Variants in SEC14L3 observed in about 807,000 individuals in gnomAD.
SEC14L3 encodes SEC14 like lipid binding 3, also known as SEC14-like protein 3.
SEC14L3 carries 56 observed loss-of-function variants against 57.4 expected under a neutral mutation model. The ratio of observed to expected loss-of-function variants is 0.97; its 90% CI spans 0.79 to 1.22. The LOEUF (loss-of-function observed/expected upper bound fraction) is 1.22. Among genes scored for constraint, SEC14L3 ranks in the 50% most tolerant of loss-of-function variants. The probability of loss-of-function intolerance (pLI) is 0.00; values close to 1 mark genes in which losing one functional copy is unlikely to be tolerated. For missense variants in SEC14L3, 485 were observed against 511.7 expected (o/e 0.95, Z 0.50); for synonymous variants, 173 against 194.4 (o/e 0.89, Z 0.92).
At position 30,460,850 on chromosome 22, in the gene SEC14L3, A is replaced by G. The variant is rs934056657; in HGVS notation, c.1081+460T>C. ...TCTCAAAAAAAAAAAAAAAAAAAAA[A>G]AGAGAAAAAACAGGCATTGTAACTC... On this transcript the variant is annotated intron_variant, in intron 11 of 11. Transcript: ENST00000215812. Among the ~76,000 whole-genome samples the G allele has an allele frequency of 2.8e-3, 358 of 129,478 alleles. 5 individuals are homozygous for G. The highest frequency in any genetic ancestry group is 9.9e-3 in the African/African-American group (331 of 33,442). 84.9% of individuals were successfully genotyped at this position (129,478 alleles called of 152,430 possible).
downstream of SEC14L3, among the ~76,000 whole-genome samples, chr22:30,454,835 A>AATAATATATAATATATTATATTATTAT (rs1935067860): frequency 9.6e-5 from 1 of 10,394 alleles, no homozygotes; most frequent in Non-Finnish European, 1.2e-4. Flanking sequence ...TATAATATAT[A>AATAATATATAATATATTATATTATTAT]ATAATATATA....
chr22:30,450,584 T>C (rs1934962423), intron 12 of SEC14L3, among the ~76,000 whole-genome samples: 1 of 152,214 alleles, frequency 6.6e-6, no homozygotes. Context: ...ATTACAGGCA[T>C]GAGCTCCCGT....
chr22:30,464,820 T>A lies in SEC14L3; in HGVS notation c.664A>T (p.Asn222Tyr), dbSNP rs746607922. ...AGGAAATTGAGCTGGCACTACTTACTTCCCAACACAATAATTTTCCTGCGA... is the reference window on the plus strand; with the variant it reads ...AGGAAATTGAGCTGGCACTACTTACATCCCAACACAATAATTTTCCTGCGA... ...DTRRKIIVLG[N>Y]NWKEGLLKLI... Residue 222 changes from asparagine to tyrosine, a missense_variant and splice_region_variant, in exon 8 of 12, where the codon AAT becomes TAT. Transcript: ENST00000215812. 1.9e-6 allele frequency: 3 copies of A among 1,614,042 alleles called. No homozygotes were observed. Among genetic ancestry groups the A allele is most frequent in the Middle Eastern group, 1.6e-4 (1 of 6,062 alleles).
chr22:30,453,628 G>T (rs935485544), intron 12 of SEC14L3, among the ~76,000 whole-genome samples: 1 of 152,168 alleles, frequency 6.6e-6, no homozygotes, highest in Non-Finnish European at 1.5e-5. Context: ...GGCCAGGCTG[G>T]TCTCAAACTC....
At chr22:30,448,100 C>T (rs1934912651) in exon 13 of SEC14L3, 1 of 152,200 alleles carries the variant, frequency 6.6e-6, no homozygotes, top group Non-Finnish European at 1.5e-5. Context: ...CCAAGCCTCC[C>T]TTGGCCAGCT....
rs1935272197 is a variant in SEC14L3, at chr22:30,461,695, C to T, written c.772-1G>A. 1.9e-6 allele frequency: 3 copies of T among 1,611,864 alleles called. No homozygotes were observed. The highest frequency in any genetic ancestry group is 2.5e-6 in the Non-Finnish European group (3 of 1,179,038). ...TGGGGATCTCCCCGCCATAGTTAATCTGCGGACATGGGATGAGATGGGCTT... is the reference window on the plus strand; with the variant it reads ...TGGGGATCTCCCCGCCATAGTTAATTTGCGGACATGGGATGAGATGGGCTT... On this transcript the variant is annotated splice_acceptor_variant, in intron 9 of 11. Transcript: ENST00000215812. LOFTEE classifies it high-confidence loss of function.
chr22:30,470,790 TAGAA>T (rs1006564378), intron 1 of SEC14L3: 1 of 749,656 alleles, frequency 1.3e-6, no homozygotes, highest in South Asian at 6.0e-5. Flanking sequence ...AATAAATGGT[TAGAA>T]AGAAGAATAG....
chr22:30,459,217 G>A, downstream of SEC14L3: 1 of 953,504 alleles, frequency 1.0e-6, no homozygotes, highest in Non-Finnish European at 1.2e-6. Context: ...TACACAGAGA[G>A]CACTCGCCAA....
At chr22:30,455,060 T>A (rs4419323), downstream of SEC14L3, among the ~76,000 whole-genome samples, 22 of 76,130 alleles carry the variant, frequency 2.9e-4, no homozygotes, top group African/African-American at 1.4e-3. Flanking sequence ...TACAATATAT[T>A]ATATATAATA....
chr22:30,467,014 AGT>A lies in SEC14L3; in HGVS notation c.485_486del (p.His162LeufsTer17). The A allele has an allele frequency of 6.2e-7, 1 of 1,614,056 alleles. No homozygotes were observed. The highest frequency in any genetic ancestry group is 2.2e-5 in the East Asian group (1 of 44,888). On this transcript the variant is annotated frameshift_variant, in exon 6 of 12. Coordinates refer to ENST00000215812, the MANE Select transcript of SEC14L3 (RefSeq NM_174975.5). LOFTEE classifies it high-confidence loss of function. ...IFDCEGLGLK[H>X]FWKPLVEVYQ... Reference sequence around the variant, plus strand: ...TACACTTCTACCAGAGGTTTCCAGAAGTGTTTCAGTCCCAGGCCCTCACAGTC... The same window carrying A: ...TACACTTCTACCAGAGGTTTCCAGAAGTTTCAGTCCCAGGCCCTCACAGTC...
Position 30,470,534 on chromosome 22 carries a change from C to T in SEC14L3, c.103G>A (p.Asp35Asn), listed in dbSNP as rs778135963. Residue 35 changes from aspartate (D) to asparagine (N), a missense_variant, in exon 2 of 12, where the codon GAT (aspartate) becomes AAT (asparagine). By Grantham distance (23) the Asp-to-Asn change is conservative (BLOSUM62 1). Transcript: ENST00000215812. Reference sequence around the variant, plus strand: ...CGGAGCCAGCGTAGAAGGAAATAATCATCAGGGTTGGGCAGGGCAGGAAGC... The same window carrying T: ...CGGAGCCAGCGTAGAAGGAAATAATTATCAGGGTTGGGCAGGGCAGGAAGC... ...DVLPALPNPD[D>N]YFLLRWLRAR... is the part of the protein sequence containing the mutation. 1.2e-6 allele frequency: 2 copies of T among 1,614,088 alleles called. No individual in the cohort carries two copies. Among genetic ancestry groups the T allele is most frequent in the South Asian group, 1.1e-5 (1 of 91,080 alleles).
downstream of SEC14L3, among the ~76,000 whole-genome samples, chr22:30,455,226 AT>A: frequency 8.0e-6 from 1 of 124,586 alleles, no homozygotes; most frequent in Non-Finnish European, 1.6e-5. Context: ...AAATAATATA[AT>A]ATATAATATT....
intron 5 of SEC14L3, among the ~76,000 whole-genome samples, chr22:30,467,791 G>T (rs1052603073): frequency 1.3e-5 from 2 of 152,188 alleles, no homozygotes; most frequent in African/African-American, 4.8e-5. Context: ...AATAGCAATA[G>T]CTACCATTGT....
chr22:30,462,262 G>A, intron 8 of SEC14L3, 70 bp from the exon 9 acceptor site: 1 of 1,521,430 alleles, frequency 6.6e-7, no homozygotes, highest in Non-Finnish European at 8.8e-7. Context: ...ACACCCACCA[G>A]GATGACCTGA....
chr22:30,469,235 C>T (rs1014985460), intron 4 of SEC14L3, among the ~76,000 whole-genome samples: 3 of 151,544 alleles, frequency 2.0e-5, no homozygotes, highest in Non-Finnish European at 4.4e-5. Context: ...CACTTGAGCC[C>T]AGGAGTTCAA....
At chr22:30,454,759 A>C (rs559852827), downstream of SEC14L3, among the ~76,000 whole-genome samples, 1,056 of 82,276 alleles carry the variant, frequency 0.013, 19 homozygotes, top group Middle Eastern at 0.041. Context: ...TATATATAAT[A>C]TATAATATAT....
chr22:30,471,399 T>C (rs1012184985), intron 1 of SEC14L3: 5 of 393,660 alleles, frequency 1.3e-5, no homozygotes, highest in African/African-American at 1.1e-4. Context: ...ATCTGCTTTT[T>C]TTCATCCCAT....
chr22:30,449,352 T>C (rs1934935621), intron 12 of SEC14L3: 2 of 1,400,474 alleles, frequency 1.4e-6, no homozygotes, highest in Non-Finnish European at 1.9e-6. Context: ...TAGTGTTTTA[T>C]AAAATAGGAT....
At position 30,470,495 on chromosome 22, in the gene SEC14L3, C is replaced by A. The variant is rs1264174974; in HGVS notation, c.130+12G>T. On this transcript the variant is annotated intron_variant, in intron 2 of 11. Coordinates refer to ENST00000215812, the MANE Select transcript of SEC14L3 (RefSeq NM_174975.5). The stretch of plus-strand genomic sequence containing the variant: ...GCCCCCTGATCCCAACCTCTCCCAC[C>A]TCTGCCCTCACCTCGGAGCCAGCGT... 1.2e-6 allele frequency: 2 copies of A among 1,614,088 alleles called. No individual in the cohort carries two copies. Among genetic ancestry groups the A allele is most frequent in the Non-Finnish European group, 1.7e-6 (2 of 1,180,012 alleles).
Sources: gnomAD v4.1 joint callset for allele counts (sites outside exome capture counted in the v4.1 genomes callset) on GRCh38, gnomAD v4.1.1 for gene constraint, MANE v1.5 for transcripts, NCBI Gene and HGNC (gene_info 2026-07-23, HGNC 2026-07-21) for gene names.